PHAF1: variants seen among roughly 807,000 people sequenced by gnomAD.
The protein encoded by PHAF1 is phagosome assembly factor 1.
PHAF1 carries 23 observed loss-of-function variants against 63.1 expected under a neutral mutation model. That is an observed-to-expected ratio of 0.36 (90% CI 0.26 to 0.52). PHAF1 has a LOEUF of 0.52. Ranked by LOEUF, PHAF1 falls within the 20% of genes least tolerant of loss-of-function variation. The pLI is 0.93. For missense variants in PHAF1, 427 were observed against 517.2 expected (o/e 0.83, Z 1.69); for synonymous variants, 167 against 185.0 (o/e 0.90, Z 0.79).
Position 67,110,004 on chromosome 16 carries a change from G to A in PHAF1, c.-172G>A, listed in dbSNP as rs1174508506. 15 of 628,986 alleles carry A rather than the reference G, an allele frequency of 2.4e-5. No individual in the cohort carries two copies. Among genetic ancestry groups the A allele is most frequent in the Non-Finnish European group, 3.0e-5 (11 of 361,540 alleles). The allele number at this position is 628,986 out of a possible 1,614,324, so 39.0% of individuals were successfully genotyped here. ...GGCTGCTGCAGGTGAGGTGAAGTGAGGTGAGGTGTGGTGTTGGGCCGGTGC... is the reference window on the plus strand; with the variant it reads ...GGCTGCTGCAGGTGAGGTGAAGTGAAGTGAGGTGTGGTGTTGGGCCGGTGC... On this transcript the variant is annotated 5_prime_UTR_variant, in exon 1 of 16. Transcript: ENST00000219139.
chr16:67,141,787 T>C (rs1226644470), intron 10 of PHAF1, among the ~76,000 whole-genome samples: 1 of 152,130 alleles, frequency 6.6e-6, no homozygotes, highest in Non-Finnish European at 1.5e-5. Flanking sequence ...CCCGGAAGCT[T>C]GGGGACACCA....
rs1962443138 is a variant in PHAF1 at position 67,110,076 on chromosome 16, G to A, written c.-100G>A. On this transcript the variant is annotated 5_prime_UTR_variant, in exon 1 of 16. Coordinates refer to ENST00000219139, the MANE Select transcript of PHAF1 (RefSeq NM_025187.5). ...GGAGGTGGAAAGCGGGGCTGTGGCG[G>A]GCCGGCGGGGGCGGCCTGTCAGCCG... 1.0e-5 allele frequency: 13 copies of A among 1,295,360 alleles called. No homozygotes were observed. Among genetic ancestry groups the A allele is most frequent in the Non-Finnish European group, 1.4e-5 (13 of 943,544 alleles). 80.2% of individuals were successfully genotyped at this position (1,295,360 alleles called of 1,614,324 possible). A position where few individuals can be genotyped will look rare whatever the true frequency, so the allele number is the denominator to read the frequency against.
At chr16:67,118,587 G>A (rs1189386927) in intron 1 of PHAF1, among the ~76,000 whole-genome samples, 2 of 151,206 alleles carry the variant, frequency 1.3e-5, no homozygotes, top group African/African-American at 4.9e-5. Context: ...TGCCCATCTC[G>A]GCCTCCCAAA....
chr16:67,125,012 G>A (rs1293483624), intron 2 of PHAF1, among the ~76,000 whole-genome samples: 1 of 152,154 alleles, frequency 6.6e-6, no homozygotes, highest in East Asian at 1.9e-4. Context: ...AATCAGGGCT[G>A]TGGAGAATCT....
In PHAF1 at chr16:67,134,446, C is replaced by T. The variant is rs759485004; in HGVS notation, c.640C>T (p.Arg214Ter). ...LRDGTGPAGL[R>*]LRLLAAGCGP... ...AGATGGAACTGGACCTGCAGGTTTA[C>T]GACTTCGCCTACTTGCTGCAGGTCA... Residue 214 changes from arginine to a stop codon, truncating the protein, a stop_gained, in exon 8 of 16, where the codon CGA (arginine) becomes TGA (stop). Transcript: ENST00000219139. LOFTEE classifies it high-confidence loss of function. 14 of 1,613,080 alleles carry T rather than the reference C, an allele frequency of 8.7e-6. No homozygotes were observed. The highest frequency in any genetic ancestry group is 1.1e-5 in the Non-Finnish European group (13 of 1,179,138).
intron 11 of PHAF1, 120 bp from the exon 12 acceptor site, chr16:67,144,714 C>T (rs941916915): frequency 8.5e-7 from 1 of 1,179,814 alleles, no homozygotes; most frequent in Non-Finnish European, 1.2e-6. Context: ...GTCAGGCACT[C>T]AGAGCCAGGG....
At chr16:67,128,900 C>T (rs1963289641) in intron 3 of PHAF1, among the ~76,000 whole-genome samples, 1 of 152,214 alleles carries the variant, frequency 6.6e-6, no homozygotes, top group Admixed American at 6.5e-5. Context: ...ACCCGTATAG[C>T]TGTTGGCAGG....
In PHAF1 at chr16:67,126,036, A is replaced by G; in HGVS notation, c.225A>G (p.Arg75=). The G allele has an allele frequency of 6.2e-7, 1 of 1,607,604 alleles. No homozygotes were observed. The highest frequency in any genetic ancestry group is 8.5e-7 in the Non-Finnish European group (1 of 1,174,750). Residue 75 remains arginine, a synonymous_variant, in exon 3 of 16, where the codon AGA becomes AGG. Transcript: ENST00000219139. ...TAATGTTTGATGCTTTCAATCAGAG[A>G]CTTAAGGTAACTATAAATGACAACT... ...IKLMFDAFNQ[R]LKVIEVCDLT... is the part of the protein sequence containing the mutation.
In PHAF1 at chr16:67,125,996, A is replaced by G; in HGVS notation, c.185A>G (p.Gln62Arg). The G allele has an allele frequency of 6.2e-7, 1 of 1,613,038 alleles. No homozygotes were observed. ...CATGACCTCATTCTTAACCTGACTCAGGACGGGATCAAACTAATGTTTGAT... is the reference window on the plus strand; with the variant it reads ...CATGACCTCATTCTTAACCTGACTCGGGACGGGATCAAACTAATGTTTGAT... ...LSHDLILNLT[Q>R]DGIKLMFDAF... Residue 62 changes from glutamine to arginine, a missense_variant, in exon 3 of 16, where the codon CAG (glutamine) becomes CGG (arginine). Transcript: ENST00000219139.
At chr16:67,117,955 A>AT (rs558113041) in intron 1 of PHAF1, among the ~76,000 whole-genome samples, 16,467 of 128,970 alleles carry the variant, frequency 0.13, 3,135 homozygotes, top group African/African-American at 0.42. Context: ...TGCCTGGCTG[A>AT]TTTTTTTTTT....
intron 1 of PHAF1, among the ~76,000 whole-genome samples, chr16:67,119,621 A>G (rs1283930097): frequency 1.3e-5 from 2 of 151,548 alleles, no homozygotes; most frequent in African/African-American, 4.9e-5. Flanking sequence ...CCTGGGTTCA[A>G]GCATTTCTCC....
intron 14 of PHAF1, 96 bp downstream of exon 14, chr16:67,145,724 T>TA: frequency 1.5e-6 from 2 of 1,338,520 alleles, no homozygotes; most frequent in Non-Finnish European, 1.0e-6. Context: ...GCTTAAAAAT[T>TA]ACAGAAGTTT....
In PHAF1 at chr16:67,145,400, C is replaced by T. The variant is rs372448113; in HGVS notation, c.1031C>T (p.Thr344Ile). ...KKENADGQTE[T>I]CTTYSKWDNI... The stretch of plus-strand genomic sequence containing the variant: ...GAAAACGCAGATGGTCAGACAGAAA[C>T]ATGCACGACCTACAGCAAGGTGAGC... The change falls in exon 13 of 16, where the codon ACA becomes ATA. Residue 344 changes from threonine to isoleucine, a missense_variant. Transcript: ENST00000219139. The T allele has an allele frequency of 3.3e-4, 530 of 1,614,070 alleles. No individual in the cohort carries two copies. Among genetic ancestry groups the T allele is most frequent in the Non-Finnish European group, 4.3e-4 (511 of 1,180,042 alleles).
At chr16:67,110,345 C>CA in intron 1 of PHAF1, 106 bp downstream of exon 1, 1 of 1,286,260 alleles carries the variant, frequency 7.8e-7, no homozygotes, top group Non-Finnish European at 1.1e-6. Flanking sequence ...CGCAGCTCCT[C>CA]ACCTCTTTCG....
intron 3 of PHAF1, among the ~76,000 whole-genome samples, chr16:67,126,612 T>TTTTTTA (rs1963204364): frequency 6.6e-6 from 1 of 150,676 alleles, no homozygotes; most frequent in African/African-American, 2.4e-5. Context: ...TTTTTTTTTT[T>TTTTTTA]GAGATGAGGT....
chr16:67,112,425 A>G (rs944825176), intron 1 of PHAF1, among the ~76,000 whole-genome samples: 3 of 149,216 alleles, frequency 2.0e-5, no homozygotes, highest in African/African-American at 7.4e-5. Flanking sequence ...AGTCTTAACT[A>G]CTCGGGAGGC....
intron 3 of PHAF1, among the ~76,000 whole-genome samples, chr16:67,129,019 G>A (rs780258216): frequency 7.9e-5 from 12 of 152,316 alleles, no homozygotes; most frequent in Non-Finnish European, 1.3e-4. Flanking sequence ...AAGTGAGGGA[G>A]GTGAGTGCCT....
At chr16:67,145,880 A>AC (rs778804052) in intron 14 of PHAF1, among the ~76,000 whole-genome samples, 4 of 152,032 alleles carry the variant, frequency 2.6e-5, no homozygotes, top group Non-Finnish European at 5.9e-5. Context: ...GGGCCTTCTC[A>AC]CCCTCAGTTA....
chr16:67,140,204 G>A, intron 9 of PHAF1, 87 bp downstream of exon 9: 2 of 1,470,714 alleles, frequency 1.4e-6, no homozygotes, highest in Non-Finnish European at 1.8e-6. Context: ...TTTTCCCATA[G>A]AACTTGTTCT....
Sources: gnomAD v4.1 joint callset for allele counts (sites outside exome capture counted in the v4.1 genomes callset) on GRCh38, gnomAD v4.1.1 for gene constraint, MANE v1.5 for transcripts, NCBI Gene and HGNC (gene_info 2026-07-23, HGNC 2026-07-21) for gene names.